The following AFTPH variants were observed in gnomAD, a reference collection of about 807,000 sequenced individuals.
AFTPH encodes the protein aftiphilin, also known as aftiphilin protein.
Under a neutral mutation model 72.5 loss-of-function variants are expected in AFTPH, and 7 were observed. The ratio of observed to expected loss-of-function variants is 0.10; its 90% CI spans 0.05 to 0.18. The LOEUF is 0.18. AFTPH is among the 10% of genes least tolerant of loss of function. The probability of loss-of-function intolerance (pLI) is 1.00; values close to 1 mark genes in which losing one functional copy is unlikely to be tolerated. For missense variants in AFTPH, 979 were observed against 1,060.5 expected (o/e 0.92, Z 1.07); for synonymous variants, 337 against 370.1 (o/e 0.91, Z 1.03).
intron 1 of AFTPH, among the ~76,000 whole-genome samples, chr2:64,538,790 G>A (rs768728418): frequency 2.6e-5 from 4 of 152,290 alleles, no homozygotes; most frequent in East Asian, 3.9e-4. Context: ...GTAGGACATC[G>A]TTGCTTACTT....
intron 8 of AFTPH, among the ~76,000 whole-genome samples, chr2:64,587,206 T>C (rs1673571183): frequency 6.6e-6 from 1 of 152,200 alleles, no homozygotes; most frequent in Admixed American, 6.5e-5. Context: ...TCTATACTAA[T>C]AGGGAATGAA....
intron 1 of AFTPH, among the ~76,000 whole-genome samples, chr2:64,548,966 T>A (rs1008784931): frequency 5.3e-5 from 8 of 152,240 alleles, no homozygotes; most frequent in African/African-American, 1.7e-4. Context: ...CTGGTAACTC[T>A]GAGTGACTGA....
intron 8 of AFTPH, among the ~76,000 whole-genome samples, chr2:64,586,030 T>C (rs555626253): frequency 1.3e-5 from 2 of 152,312 alleles, no homozygotes; most frequent in East Asian, 3.9e-4. Context: ...CCAGGCTTTC[T>C]AGAAGCCCCT....
intron 6 of AFTPH, among the ~76,000 whole-genome samples, chr2:64,576,722 A>G (rs543803436): frequency 6.6e-5 from 10 of 152,286 alleles, no homozygotes; most frequent in Admixed American, 6.5e-4. Flanking sequence ...TTTTAGAGCT[A>G]GAAAAGAAAA....
chr2:64,565,423 C>T (rs918260752), intron 2 of AFTPH, among the ~76,000 whole-genome samples: 28 of 141,370 alleles, frequency 2.0e-4, no homozygotes, highest in African/African-American at 7.2e-4. Flanking sequence ...TGCAGTGAGC[C>T]GAGATTGCAC....
At chr2:64,580,460 CA>C (rs2104187532) in intron 7 of AFTPH, 1 of 152,088 alleles carries the variant, frequency 6.6e-6, no homozygotes, top group South Asian at 2.1e-4. Context: ...TGTCTTCAGT[CA>C]AATCAGATAT....
chr2:64,581,313 T>G, intron 7 of AFTPH, 40 bp downstream of exon 8: 1 of 1,509,836 alleles, frequency 6.6e-7, no homozygotes, highest in Non-Finnish European at 9.0e-7. Context: ...GTTTATTTAC[T>G]AAAAGCATGA....
chr2:64,557,381 C>T (rs1274298789), intron 2 of AFTPH, among the ~76,000 whole-genome samples: 2 of 152,112 alleles, frequency 1.3e-5, no homozygotes, highest in African/African-American at 4.8e-5. Flanking sequence ...AGGGAAAATG[C>T]TGTTAGCTGA....
chr2:64,586,921 A>G (rs1673553760), intron 8 of AFTPH, among the ~76,000 whole-genome samples: 1 of 152,202 alleles, frequency 6.6e-6, no homozygotes, highest in Non-Finnish European at 1.5e-5. Flanking sequence ...GGATGCTTTT[A>G]TTGTTTGGGT....
chr2:64,548,045 C>T (rs1439473444), intron 1 of AFTPH, among the ~76,000 whole-genome samples: 1 of 151,232 alleles, frequency 6.6e-6, no homozygotes, highest in Non-Finnish European at 1.5e-5. Context: ...CCCTCCTCAG[C>T]CCCCCAAAGT....
chr2:64,539,156 G>A (rs550078935), intron 1 of AFTPH, among the ~76,000 whole-genome samples: 22 of 152,242 alleles, frequency 1.4e-4, no homozygotes, highest in African/African-American at 4.8e-4. Flanking sequence ...CATGTCAGCT[G>A]ATTGCAAAAT....
intron 1 of AFTPH, among the ~76,000 whole-genome samples, chr2:64,540,285 G>C (rs1461332146): frequency 6.6e-6 from 1 of 152,122 alleles, no homozygotes; most frequent in Non-Finnish European, 1.5e-5. Flanking sequence ...CATCCTCGTG[G>C]ATGCTTCCAT....
At chr2:64,561,142 C>G (rs1384396982) in intron 2 of AFTPH, among the ~76,000 whole-genome samples, 7 of 152,136 alleles carry the variant, frequency 4.6e-5, no homozygotes, top group Non-Finnish European at 1.0e-4. Context: ...GGGTATGGTA[C>G]CTGCCTTGAA....
At chr2:64,585,190 G>C (rs1673436309) in intron 7 of AFTPH, among the ~76,000 whole-genome samples, 1 of 152,182 alleles carries the variant, frequency 6.6e-6, no homozygotes, top group Admixed American at 6.5e-5. Flanking sequence ...CTAGCTTAAG[G>C]ATATATTCGT....
At chr2:64,535,097 A>G (rs1044868272) in intron 1 of AFTPH, among the ~76,000 whole-genome samples, 8 of 152,238 alleles carry the variant, frequency 5.3e-5, no homozygotes, top group African/African-American at 1.7e-4. Context: ...TAAAATATTT[A>G]TACAACCAAA....
intron 1 of AFTPH, among the ~76,000 whole-genome samples, chr2:64,538,458 G>A (rs1670007732): frequency 6.6e-6 from 1 of 152,104 alleles, no homozygotes; most frequent in Non-Finnish European, 1.5e-5. Context: ...CACTCCACAC[G>A]CATACACTCT....
chr2:64,575,297 G>C (rs746074448), intron 6 of AFTPH, among the ~76,000 whole-genome samples: 5 of 152,102 alleles, frequency 3.3e-5, no homozygotes, highest in Admixed American at 2.6e-4. Flanking sequence ...GAATTGTATG[G>C]TCCTTGCTTG....
At chr2:64,547,914 T>C (rs1443172556) in intron 1 of AFTPH, among the ~76,000 whole-genome samples, 3 of 152,018 alleles carry the variant, frequency 2.0e-5, no homozygotes, top group Admixed American at 1.3e-4. Context: ...GCCTCCCAAG[T>C]AGCTGGACTA....
intron 3 of AFTPH, 41 bp downstream of exon 3, chr2:64,567,754 AT>A: frequency 1.3e-6 from 2 of 1,576,154 alleles, no homozygotes; most frequent in East Asian, 4.5e-5. Flanking sequence ...TGTTTTTGTT[AT>A]TTTTAGTAGT....
Sources: allele counts gnomAD v4.1 joint callset (sites outside exome capture counted in the v4.1 genomes callset), GRCh38; gene constraint gnomAD v4.1.1; transcripts MANE v1.5; gene names NCBI Gene and HGNC (gene_info 2026-07-23, HGNC 2026-07-21).